The following CTNNA3 variants were observed in gnomAD, a reference collection of about 807,000 sequenced individuals.
The protein encoded by CTNNA3 is catenin alpha-3.
Under a neutral mutation model 95.7 loss-of-function variants are expected in CTNNA3, and 76 were observed. The observed-to-expected ratio is 0.79, with a 90% CI of 0.66 to 0.96. The LOEUF (loss-of-function observed/expected upper bound fraction) is 0.96, where lower values mean the gene tolerates loss of function less well. CTNNA3 is among the 40% of genes least tolerant of loss of function. The pLI, the probability that CTNNA3 is intolerant of heterozygous loss-of-function variation, is 0.00. For synonymous variants in CTNNA3, 431 were observed against 374.4 expected, an observed-to-expected ratio of 1.15 and a Z score of -1.74; for missense variants, 1,191 against 1,089.8, an observed-to-expected ratio of 1.09 and a Z score of -1.31.
At chr10:67,225,122 C>T (rs1219662664) in intron 5 of CTNNA3, among the ~76,000 whole-genome samples, 1 of 152,230 alleles carries the variant, frequency 6.6e-6, no homozygotes. Flanking sequence ...TCCCTGACAA[C>T]CTGGATGACT....
intron 7 of CTNNA3, among the ~76,000 whole-genome samples, chr10:66,921,489 T>C (rs1372171774): frequency 6.6e-6 from 1 of 152,220 alleles, no homozygotes; most frequent in Non-Finnish European, 1.5e-5. Context: ...AAGCCCTCCA[T>C]GACCTCCATC....
chr10:66,549,184 T>C (rs753011257), intron 10 of CTNNA3, among the ~76,000 whole-genome samples: 4 of 151,650 alleles, frequency 2.6e-5, no homozygotes, highest in African/African-American at 7.3e-5. Context: ...TTAGTAGAGA[T>C]AGGGTTTCAC....
chr10:67,758,167 CTG>C (rs1277620669), intron 1 of CTNNA3, among the ~76,000 whole-genome samples: 6 of 152,086 alleles, frequency 3.9e-5, no homozygotes, highest in Admixed American at 3.9e-4. Context: ...CAGACCCGAA[CTG>C]AACTATACCA....
intron 13 of CTNNA3, among the ~76,000 whole-genome samples, chr10:66,234,744 A>C (rs2089766775): frequency 6.6e-6 from 1 of 152,178 alleles, no homozygotes; most frequent in Non-Finnish European, 1.5e-5. Flanking sequence ...CTTATTATTT[A>C]CAACTATGCA....
chr10:66,828,491 A>T (rs1842594455), intron 7 of CTNNA3, among the ~76,000 whole-genome samples: 1 of 152,232 alleles, frequency 6.6e-6, no homozygotes, highest in Non-Finnish European at 1.5e-5. Flanking sequence ...CTTGAAAAGC[A>T]GAAACCATTC....
intron 13 of CTNNA3, among the ~76,000 whole-genome samples, chr10:66,159,626 G>GTTTT (rs34684370): frequency 3.5e-5 from 4 of 114,936 alleles, no homozygotes; most frequent in Non-Finnish European, 7.2e-5. Flanking sequence ...TTTGTTTTCT[G>GTTTT]TTTTTTTTTT....
At chr10:67,101,314 T>C (rs1003772294) in intron 7 of CTNNA3, among the ~76,000 whole-genome samples, 14 of 151,772 alleles carry the variant, frequency 9.2e-5, no homozygotes, top group African/African-American at 3.1e-4. Context: ...TTCAACACTT[T>C]GTCAACTGAA....
At chr10:67,683,546 A>G (rs913686112) in intron 1 of CTNNA3, among the ~76,000 whole-genome samples, 1 of 152,206 alleles carries the variant, frequency 6.6e-6, no homozygotes, top group African/African-American at 2.4e-5. Flanking sequence ...CCACCCCTAG[A>G]GGCCTCATCA....
At chr10:67,751,305 C>T in intron 1 of CTNNA3, 1 of 891,140 alleles carries the variant, frequency 1.1e-6, no homozygotes, top group Admixed American at 1.9e-5. Flanking sequence ...CACTCAAGTC[C>T]TATTTTAGCC....
At chr10:66,556,456 C>A (rs770352845) in intron 10 of CTNNA3, among the ~76,000 whole-genome samples, 1 of 151,928 alleles carries the variant, frequency 6.6e-6, no homozygotes, top group Non-Finnish European at 1.5e-5. Context: ...GATATGGAAA[C>A]AACCTATGTA....
intron 7 of CTNNA3, among the ~76,000 whole-genome samples, chr10:66,859,729 C>T (rs1446050554): frequency 1.1e-4 from 14 of 127,240 alleles, no homozygotes; most frequent in South Asian, 9.9e-4. Context: ...ATGTTTACTG[C>T]GGCACTATTC....
chr10:67,747,371 G>T (rs1180666339), intron 1 of CTNNA3, among the ~76,000 whole-genome samples: 2 of 152,136 alleles, frequency 1.3e-5, no homozygotes, highest in African/African-American at 4.8e-5. Context: ...TTGGCATCAT[G>T]TCAGTGACCC....
At chr10:66,836,539 T>G (rs573753998) in intron 7 of CTNNA3, among the ~76,000 whole-genome samples, 3 of 152,150 alleles carry the variant, frequency 2.0e-5, no homozygotes, top group African/African-American at 7.2e-5. Flanking sequence ...ACCATAAAAG[T>G]AAATGGCAAA....
intron 7 of CTNNA3, among the ~76,000 whole-genome samples, chr10:66,852,007 T>C (rs1297945618): frequency 6.6e-6 from 1 of 152,062 alleles, no homozygotes; most frequent in Non-Finnish European, 1.5e-5. Context: ...GCTTGACAAC[T>C]GGCTGAGGAA....
intron 11 of CTNNA3, among the ~76,000 whole-genome samples, chr10:66,420,842 A>AAAT (rs1564945941): frequency 5.7e-4 from 62 of 108,020 alleles, no homozygotes; most frequent in African/African-American, 2.2e-3. Context: ...AATAAATAAA[A>AAAT]AACAATATGG....
At chr10:65,989,342 C>T (rs1007476487) in intron 15 of CTNNA3, among the ~76,000 whole-genome samples, 19 of 152,172 alleles carry the variant, frequency 1.2e-4, no homozygotes, top group Admixed American at 9.8e-4. Context: ...TCAAGAAATA[C>T]TGCAGAGAAG....
chr10:66,441,089 C>A (rs1393164886), intron 11 of CTNNA3, among the ~76,000 whole-genome samples: 1 of 152,078 alleles, frequency 6.6e-6, no homozygotes, highest in Non-Finnish European at 1.5e-5. Context: ...GTCTCAACAC[C>A]TGGGAGGCCA....
At chr10:67,622,301 T>G (rs573949727) in intron 2 of CTNNA3, among the ~76,000 whole-genome samples, 1 of 152,216 alleles carries the variant, frequency 6.6e-6, no homozygotes, top group Non-Finnish European at 1.5e-5. Flanking sequence ...ACAATCAGTT[T>G]ATAAGAGAAC....
At chr10:66,635,523 A>C (rs113284523) in intron 9 of CTNNA3, among the ~76,000 whole-genome samples, 3,880 of 152,260 alleles carry the variant, frequency 0.025, 100 homozygotes, top group African/African-American at 0.061. Flanking sequence ...GAGAGATACA[A>C]TATATTAAAG....
Sources: allele counts gnomAD v4.1 joint callset (sites outside exome capture counted in the v4.1 genomes callset), GRCh38; gene constraint gnomAD v4.1.1; transcripts MANE v1.5; gene names NCBI Gene and HGNC (gene_info 2026-07-23, HGNC 2026-07-21).